The following ABCD2 variants were observed in gnomAD, a reference collection of about 807,000 sequenced individuals.
ABCD2 encodes ATP binding cassette subfamily D member 2.
In ABCD2, 36 loss-of-function variants were observed where a neutral mutation model predicts 70.9. The ratio of observed to expected loss-of-function variants is 0.51; its 90% CI spans 0.39 to 0.67. The LOEUF (loss-of-function observed/expected upper bound fraction) is 0.67. Ranked by LOEUF, ABCD2 falls within the 30% of genes least tolerant of loss-of-function variation. ABCD2 has a pLI of 0.00. For synonymous variants in ABCD2, 304 were observed against 306.9 expected (o/e 0.99, Z 0.10); for missense variants, 729 against 890.2 (o/e 0.82, Z 2.30).
chr12:39,593,541 C>A (rs1050816631), intron 6 of ABCD2, among the ~76,000 whole-genome samples: 4 of 152,124 alleles, frequency 2.6e-5, no homozygotes, highest in Non-Finnish European at 4.4e-5. Flanking sequence ...CATGAGCCAC[C>A]AGGCCCAGCC....
intron 2 of ABCD2, among the ~76,000 whole-genome samples, chr12:39,611,523 C>T (rs977904502): frequency 3.9e-5 from 6 of 151,958 alleles, no homozygotes; most frequent in African/African-American, 1.4e-4. Flanking sequence ...TTATAACCTG[C>T]GCCTATCCTC....
At chr12:39,610,188 C>T (rs1343151299) in intron 2 of ABCD2, among the ~76,000 whole-genome samples, 1 of 152,128 alleles carries the variant, frequency 6.6e-6, no homozygotes, top group Non-Finnish European at 1.5e-5. Context: ...GTTAAGTTTA[C>T]AGTATGGGTT....
intron 9 of ABCD2, among the ~76,000 whole-genome samples, chr12:39,573,176 A>C (rs564376182): frequency 9.2e-5 from 14 of 152,210 alleles, no homozygotes; most frequent in African/African-American, 3.4e-4. Context: ...GGGAATTGTA[A>C]AATTAGCATC....
At chr12:39,613,685 A>G (rs908078521) in intron 2 of ABCD2, among the ~76,000 whole-genome samples, 4 of 152,202 alleles carry the variant, frequency 2.6e-5, no homozygotes, top group Non-Finnish European at 5.9e-5. Flanking sequence ...CTGGAGTTAT[A>G]TAACGCCCTC....
chr12:39,571,186 G>A (rs1378764348), intron 9 of ABCD2, among the ~76,000 whole-genome samples: 3 of 152,094 alleles, frequency 2.0e-5, no homozygotes, highest in Non-Finnish European at 4.4e-5. Flanking sequence ...GTTAAAAATA[G>A]AACTACAAAA....
At chr12:39,563,107 A>T (rs1468804090) in intron 9 of ABCD2, among the ~76,000 whole-genome samples, 1 of 152,246 alleles carries the variant, frequency 6.6e-6, no homozygotes, top group Non-Finnish European at 1.5e-5. Flanking sequence ...GATAAAATTG[A>T]ACATCCTTTT....
At chr12:39,587,231 A>G (rs1020219597) in intron 6 of ABCD2, among the ~76,000 whole-genome samples, 4 of 152,344 alleles carry the variant, frequency 2.6e-5, no homozygotes, top group Non-Finnish European at 1.5e-5. Flanking sequence ...TAATAAAAGG[A>G]TGAGGAAGAC....
intron 1 of ABCD2, 95 bp from the exon 2 acceptor site, chr12:39,617,263 C>A: frequency 2.8e-6 from 2 of 724,428 alleles, no homozygotes; most frequent in Non-Finnish European, 4.0e-6. Context: ...GCATCTTAAC[C>A]AATAAATGCA....
At chr12:39,556,432 A>T (rs191487492) in intron 9 of ABCD2, among the ~76,000 whole-genome samples, 1 of 152,126 alleles carries the variant, frequency 6.6e-6, no homozygotes, top group African/African-American at 2.4e-5. Context: ...GTGAGTTTTC[A>T]TGAGATCTGG....
chr12:39,567,434 T>C (rs953627080), intron 9 of ABCD2, among the ~76,000 whole-genome samples: 1 of 152,216 alleles, frequency 6.6e-6, no homozygotes, highest in Non-Finnish European at 1.5e-5. Context: ...GTCTCTTTTA[T>C]TAGAGACTAG....
intron 9 of ABCD2, among the ~76,000 whole-genome samples, chr12:39,559,437 TAAG>T (rs922940797): frequency 4.0e-5 from 6 of 148,486 alleles, no homozygotes; most frequent in Non-Finnish European, 6.0e-5. Context: ...AAGAAGGAGT[TAAG>T]AAAGATAAAG....
At chr12:39,535,939 T>C in the ABCD2 span, among the ~76,000 whole-genome samples, 1 of 152,160 alleles carries the variant, frequency 6.6e-6, no homozygotes, top group Non-Finnish European at 1.5e-5. Flanking sequence ...GGTCAGCAGT[T>C]TGAGACCAGC....
chr12:39,583,791 C>T (rs1591982466), intron 7 of ABCD2, among the ~76,000 whole-genome samples: 1 of 152,264 alleles, frequency 6.6e-6, no homozygotes, highest in Middle Eastern at 3.4e-3. Flanking sequence ...TTTTCTGTTC[C>T]TGCATTAGTT....
At chr12:39,574,341 G>A (rs778248043) in intron 8 of ABCD2, among the ~76,000 whole-genome samples, 1 of 152,160 alleles carries the variant, frequency 6.6e-6, no homozygotes, top group Non-Finnish European at 1.5e-5. Context: ...GAGAGTGAAT[G>A]TGGCTCATCT....
the ABCD2 span, among the ~76,000 whole-genome samples, chr12:39,534,888 GAAAGAAAGAAAGAAAGAAAGAAA>G: frequency 7.5e-3 from 26 of 3,462 alleles, no homozygotes; most frequent in African/African-American, 0.06. Context: ...AGGAAGGAAA[GAAAGAAAGAAAGAAAGAAAGAAA>G]GAAAGAAAGA....
intron 5 of ABCD2, among the ~76,000 whole-genome samples, chr12:39,603,413 G>C (rs1941926983): frequency 6.6e-6 from 1 of 151,894 alleles, no homozygotes; most frequent in Admixed American, 6.6e-5. Flanking sequence ...AGAAATTATT[G>C]TCAACAGAAT....
chr12:39,556,863 A>C (rs1941174380), intron 9 of ABCD2, among the ~76,000 whole-genome samples: 2 of 152,038 alleles, frequency 1.3e-5, no homozygotes, highest in South Asian at 4.1e-4. Flanking sequence ...GGGTGCCTGT[A>C]ATCCCAGCTA....
chr12:39,542,484 A>T, the ABCD2 span, among the ~76,000 whole-genome samples: 27 of 152,164 alleles, frequency 1.8e-4, no homozygotes, highest in African/African-American at 6.0e-4. Flanking sequence ...AAAGGAATAA[A>T]TTGGTAGAGT....
At chr12:39,531,436 C>G in the ABCD2 span, among the ~76,000 whole-genome samples, 3 of 152,144 alleles carry the variant, frequency 2.0e-5, no homozygotes, top group African/African-American at 7.2e-5. Context: ...CCGTTTTGAC[C>G]TTCTACCAGA....
Sources: allele counts gnomAD v4.1 joint callset (sites outside exome capture counted in the v4.1 genomes callset), GRCh38; gene constraint gnomAD v4.1.1; transcripts MANE v1.5; gene names NCBI Gene and HGNC (gene_info 2026-07-23, HGNC 2026-07-21).